The following AMPD2 variants were observed in gnomAD, a reference collection of about 807,000 sequenced individuals.
AMPD2 encodes the protein adenosine monophosphate deaminase 2.
Under a neutral mutation model 91.3 loss-of-function variants are expected in AMPD2, and 52 were observed. The ratio of observed to expected loss-of-function variants is 0.57; its 90% CI spans 0.46 to 0.72. The LOEUF is 0.72. AMPD2 is among the 30% of genes least tolerant of loss of function. AMPD2 has a pLI of 0.00. For synonymous variants in AMPD2, 455 were observed against 456.4 expected (o/e 1.00, Z 0.04); for missense variants, 822 against 1,122.3 (o/e 0.73, Z 3.82).
Position 109,621,257 on chromosome 1 carries a change from G to A in AMPD2, c.82G>A (p.Ala28Thr), listed in dbSNP as rs28362581. 0.085 allele frequency: 137,211 copies of A among 1,612,248 alleles called. 10,791 individuals are homozygous for A. Among genetic ancestry groups the A allele is most frequent in the African/African-American group, 0.29 (21,753 of 74,940 alleles). ...GCGGGCCAGCCTGCAGGCCTCCACT[G>A]CAGCTCCAGGTGAGTGTGTGCTTCC... ...KKRASLQASTAAPEARGGLGA... is the reference protein window; with the variant it reads ...KKRASLQASTTAPEARGGLGA... Residue 28 changes from alanine (A) to threonine (T), a missense_variant, in exon 2 of 19, where the codon GCA becomes ACA. Coordinates refer to ENST00000528667, the MANE Select transcript of AMPD2 (RefSeq NM_001368809.2).
rs1189919296 is a variant in AMPD2, at chr1:109,619,937, G to T, written c.-604G>T. On this transcript the variant is annotated 5_prime_UTR_variant, in exon 1 of 19. The change abolishes an upstream ATG in the 5' untranslated region. Coordinates refer to ENST00000528667, the MANE Select transcript of AMPD2 (RefSeq NM_001368809.2). ...CGGCCGCGGGAGTCCGACCCTGAATGCCCAGGGAGTGTTGAGAGAAATCTG... is the reference window on the plus strand; with the variant it reads ...CGGCCGCGGGAGTCCGACCCTGAATTCCCAGGGAGTGTTGAGAGAAATCTG... 5.1e-6 allele frequency: 2 copies of T among 390,136 alleles called. No individual in the cohort carries two copies. Among genetic ancestry groups the T allele is most frequent in the Non-Finnish European group, 9.7e-6 (2 of 205,890 alleles). The allele number at this position is 390,136 out of a possible 1,614,324, so 24.2% of individuals were successfully genotyped here.
chr1:109,626,773 G>A lies in AMPD2; in HGVS notation c.579G>A (p.Ala193=), dbSNP rs183170041. Reference sequence around the variant, plus strand: ...ATGCAGCCAAGAGTGTGGTGCGGGCGCTCTTCATCCGGGAGAAGTACATGG... The same window carrying A: ...ATGCAGCCAAGAGTGTGGTGCGGGCACTCTTCATCCGGGAGAAGTACATGG... ...LLDAAKSVVR[A]LFIREKYMAL... is the part of the protein sequence containing the mutation. The change falls in exon 7 of 19, where the codon GCG becomes GCA. Residue 193 remains alanine (A), a synonymous_variant. Coordinates refer to ENST00000528667, the MANE Select transcript of AMPD2 (RefSeq NM_001368809.2). The A allele has an allele frequency of 2.4e-5, 38 of 1,613,720 alleles. No homozygotes were observed. In the East Asian group the frequency reaches 7.1e-4, roughly 30 times the overall value.
intron 13 of AMPD2, 66 bp from the exon 14 acceptor site, chr1:109,629,043 C>T: frequency 4.4e-6 from 7 of 1,591,054 alleles, no homozygotes; most frequent in Non-Finnish European, 6.0e-6. Context: ...CTGACCCTTG[C>T]TGGACCGCTG....
At chr1:109,626,009 T>C (rs928184387) in intron 4 of AMPD2, 151 bp from the exon 5 acceptor site, 22 of 1,124,174 alleles carry the variant, frequency 2.0e-5, no homozygotes, top group Middle Eastern at 2.3e-4. Context: ...TTCTCATCTC[T>C]AAAGTGAGTG....
At chr1:109,629,628 A>G in intron 15 of AMPD2, 138 bp downstream of exon 15, 1 of 1,436,032 alleles carries the variant, frequency 7.0e-7, no homozygotes, top group Admixed American at 2.0e-5. Flanking sequence ...CTGCCCTTGG[A>G]GCTACATCTG....
intron 17 of AMPD2, 43 bp downstream of exon 17, chr1:109,630,449 C>G: frequency 1.3e-6 from 1 of 796,490 alleles, no homozygotes; most frequent in East Asian, 6.0e-5. Context: ...CGTCCCAGGA[C>G]GCTGGGGTCT....
In AMPD2 at chr1:109,629,211, G is replaced by A. The variant is rs1436303547; in HGVS notation, c.1674G>A (p.Pro558=). The A allele has an allele frequency of 2.5e-6, 4 of 1,614,044 alleles. No homozygotes were observed. The highest frequency in any genetic ancestry group is 1.7e-5 in the Admixed American group (1 of 60,008). ...CCACTGTGCACCCTGCCAGCCACCC[G>A]GAACTGCATCTCTTCTTAGAGCACG... ...FEATVHPASH[P]ELHLFLEHVD... Residue 558 remains proline, a synonymous_variant, in exon 14 of 19, where the codon CCG becomes CCA. Transcript: ENST00000528667.
rs1650675907 is a variant in AMPD2, at chr1:109,626,306, G to A, written c.423-13G>A. 1 of 1,613,728 alleles carries A rather than the reference G, an allele frequency of 6.2e-7. No homozygotes were observed. The highest frequency in any genetic ancestry group is 8.5e-7 in the Non-Finnish European group (1 of 1,179,744). Reference sequence around the variant, plus strand: ...CCGGCTCTAAACCCCTCCCTTGAATGCACCCCCTGCAGGCTCTACAAGGAA... The same window carrying A: ...CCGGCTCTAAACCCCTCCCTTGAATACACCCCCTGCAGGCTCTACAAGGAA... On this transcript the variant is annotated splice_polypyrimidine_tract_variant and intron_variant, in intron 5 of 18. Coordinates refer to ENST00000528667, the MANE Select transcript of AMPD2 (RefSeq NM_001368809.2).
At chr1:109,621,549 G>A (rs1173506364) in intron 2 of AMPD2, 9 of 558,116 alleles carry the variant, frequency 1.6e-5, no homozygotes, top group East Asian at 3.2e-5. Context: ...ACGTGTCAGC[G>A]TGTGCATGTG....
At position 109,630,717 on chromosome 1, in the gene AMPD2, A is replaced by C; in HGVS notation, c.2192A>C (p.Gln731Pro). 1 of 1,612,502 alleles carries C rather than the reference A, an allele frequency of 6.2e-7. No homozygotes were observed. The highest frequency in any genetic ancestry group is 1.1e-5 in the South Asian group (1 of 90,734). Residue 731 changes from glutamine to proline, a missense_variant, in exon 18 of 19, where the codon CAG becomes CCG. By Grantham distance (76) the Gln-to-Pro change is moderately conservative. Transcript: ENST00000528667. ...ATGGAGGAGTACAGCATCGCCACCC[A>C]GGTGTGGAAGCTCAGCTCCTGCGAT... Reference protein sequence around the residue: ...PLMEEYSIATQVWKLSSCDMC... With the variant: ...PLMEEYSIATPVWKLSSCDMC...
At chr1:109,627,065 G>T in intron 7 of AMPD2, 110 bp from the exon 8 acceptor site, 1 of 1,567,316 alleles carries the variant, frequency 6.4e-7, no homozygotes. Context: ...GGCAGGAGCT[G>T]TCTGACCTAC....
intron 2 of AMPD2, among the ~76,000 whole-genome samples, chr1:109,622,750 C>G (rs1650365375): frequency 1.3e-5 from 2 of 152,046 alleles, no homozygotes; most frequent in African/African-American, 2.4e-5. Flanking sequence ...GCCTGAGACC[C>G]CCCTGCTAGG....
Position 109,624,302 on chromosome 1 carries a change from T to A in AMPD2, c.92-1001T>A, listed in dbSNP as rs925225412. Among the ~76,000 whole-genome samples, 61 of 152,322 alleles carry A rather than the reference T, an allele frequency of 4.0e-4. No homozygotes were observed. The highest frequency in any genetic ancestry group is 1.4e-3 in the African/African-American group (59 of 41,582). On this transcript the variant is annotated intron_variant, in intron 2 of 18. Coordinates refer to ENST00000528667, the MANE Select transcript of AMPD2 (RefSeq NM_001368809.2). The surrounding 1 kb of genome is among the most constrained non-coding windows in gnomAD (Gnocchi z 5.2). ...GAGGGGAGCACTCCTTACAGCCGGC[T>A]GAGAGAGGCAGTTTGGGTGTGGAAA... is the stretch of plus-strand genomic sequence containing the variant.
rs1294615893 is a variant in AMPD2 at position 109,628,214 on chromosome 1, G to A, written c.1212G>A (p.Glu404=). 1 of 1,614,064 alleles carries A rather than the reference G, an allele frequency of 6.2e-7. No individual in the cohort carries two copies. The highest frequency in any genetic ancestry group is 8.5e-7 in the Non-Finnish European group (1 of 1,180,026). The change falls in exon 11 of 19, where the codon GAG becomes GAA. Residue 404 remains glutamate, a synonymous_variant. Transcript: ENST00000528667. The surrounding 1 kb of genome is among the most constrained non-coding windows in gnomAD (Gnocchi z 7.1). Reference sequence around the variant, plus strand: ...AGGGCCGTGAACAGACGCTGCGGGAGGTCTTTGAGAGCATGAATCTCACGG... The same window carrying A: ...AGGGCCGTGAACAGACGCTGCGGGAAGTCTTTGAGAGCATGAATCTCACGG... ...VEQGREQTLR[E]VFESMNLTAY... is the part of the protein sequence containing the mutation.
intron 2 of AMPD2, chr1:109,621,519 A>G: frequency 1.6e-6 from 1 of 609,394 alleles, no homozygotes. Context: ...GTGTGGGTGC[A>G]GCAAGAGGTG....
intron 9 of AMPD2, 94 bp from the exon 10 acceptor site, chr1:109,627,680 C>T (rs1650823856): frequency 1.3e-6 from 2 of 1,562,658 alleles, no homozygotes; most frequent in Admixed American, 1.7e-5. Context: ...TCCATCCTTA[C>T]CCTCCCACCT....
At position 109,631,022 on chromosome 1, in the gene AMPD2, A is replaced by T. The variant is rs1651212559; in HGVS notation, c.2348A>T (p.Asp783Val). The change falls in exon 19 of 19, where the codon GAC (aspartate) becomes GTC (valine). Residue 783 changes from aspartate (D) to valine (V), a missense_variant. Around this residue, in one of 5 missense-constraint regions of AMPD2, gnomAD observed 430 missense variants for 606.0 expected, o/e 0.71. Transcript: ENST00000528667. Reference sequence around the variant, plus strand: ...GACATCCGCCGGACCAATGTGCCAGACATCCGCGTGGGCTACCGCTACGAG... The same window carrying T: ...GACATCCGCCGGACCAATGTGCCAGTCATCCGCGTGGGCTACCGCTACGAG... ...GNDIRRTNVPDIRVGYRYETL... is the reference protein window; with the variant it reads ...GNDIRRTNVPVIRVGYRYETL... 1 of 1,614,180 alleles carries T rather than the reference A, an allele frequency of 6.2e-7. No homozygotes were observed. Among genetic ancestry groups the T allele is most frequent in the Non-Finnish European group, 8.5e-7 (1 of 1,180,030 alleles).
At position 109,629,244 on chromosome 1, in the gene AMPD2, G is replaced by A; in HGVS notation, c.1698+9G>A. On this transcript the variant is annotated intron_variant, in intron 14 of 18. Transcript: ENST00000528667. ...ATCTCTTCTTAGAGCACGTGAGCAG[G>A]CAGCGCAGAGCTGGGTATGGGGAGG... The A allele has an allele frequency of 6.2e-7, 1 of 1,614,114 alleles. No individual in the cohort carries two copies. The highest frequency in any genetic ancestry group is 8.5e-7 in the Non-Finnish European group (1 of 1,180,018).
chr1:109,626,125 G>T (rs1650657972), intron 4 of AMPD2, 35 bp from the exon 5 acceptor site: 2 of 1,612,636 alleles, frequency 1.2e-6, no homozygotes, highest in African/African-American at 2.7e-5. Flanking sequence ...CCGTCCCTCG[G>T]GATCTGCCTG....
Sources: gnomAD v4.1 joint callset for allele counts (sites outside exome capture counted in the v4.1 genomes callset) on GRCh38, gnomAD v4.1.1 for gene constraint, gnomAD v4.1.1 regional missense constraint, Gnocchi (gnomAD v3.1) non-coding constraint, MANE v1.5 for transcripts, NCBI Gene and HGNC (gene_info 2026-07-23, HGNC 2026-07-21) for gene names.